HIPK3: variants seen among roughly 807,000 people sequenced by gnomAD.
HIPK3 encodes the protein homeodomain interacting protein kinase 3.
HIPK3 carries 47 observed loss-of-function variants against 124.2 expected under a neutral mutation model. The observed-to-expected ratio is 0.38, with a 90% CI of 0.30 to 0.48. The LOEUF is 0.48. HIPK3 is among the 20% of genes least tolerant of loss of function. The pLI is 0.98. For synonymous variants in HIPK3, 482 were observed against 515.2 expected, an observed-to-expected ratio of 0.94 and a Z score of 0.87; for missense variants, 1,286 against 1,454.3, an observed-to-expected ratio of 0.88 and a Z score of 1.88.
At chr11:33,290,706 T>C (rs925238709) in intron 2 of HIPK3, among the ~76,000 whole-genome samples, 1 of 151,380 alleles carries the variant, frequency 6.6e-6, no homozygotes, top group African/African-American at 2.4e-5. Context: ...ATGAAGGAAA[T>C]CCTTTAAAAA....
chr11:33,289,053 TTAAC>T (rs1851629967), intron 2 of HIPK3, among the ~76,000 whole-genome samples: 2 of 152,200 alleles, frequency 1.3e-5, no homozygotes, highest in South Asian at 4.1e-4. Context: ...GAGAAATTAA[TTAAC>T]TCTTACACAA....
At chr11:33,279,517 G>C (rs573029438) in intron 1 of HIPK3, among the ~76,000 whole-genome samples, 1 of 152,028 alleles carries the variant, frequency 6.6e-6, no homozygotes. Context: ...AAAAAAGATG[G>C]AAACAGCCCA....
At chr11:33,316,803 A>G (rs1332561428) in intron 2 of HIPK3, among the ~76,000 whole-genome samples, 4 of 152,194 alleles carry the variant, frequency 2.6e-5, no homozygotes, top group Non-Finnish European at 5.9e-5. Context: ...AGCCTGGGCT[A>G]TAGACAAGAC....
rs145153852 is a variant in HIPK3 at position 33,289,704 on chromosome 11, A to C, written c.1097+2193A>C. Among the ~76,000 whole-genome samples, 122 of 152,302 alleles carry C rather than the reference A, an allele frequency of 8.0e-4. 2 individuals carry two copies. The East Asian group carries it at 0.02, about 25-fold the overall frequency. ...CTCCTTTACTTATTGTTAAATGAACAATAAATTATTTTTGACTGTGGTCAC... is the reference window on the plus strand; with the variant it reads ...CTCCTTTACTTATTGTTAAATGAACCATAAATTATTTTTGACTGTGGTCAC... On this transcript the variant is annotated intron_variant, in intron 2 of 16. Transcript: ENST00000303296.
intron 2 of HIPK3, among the ~76,000 whole-genome samples, chr11:33,305,088 C>T (rs967819515): frequency 7.9e-5 from 12 of 152,108 alleles, no homozygotes; most frequent in African/African-American, 2.9e-4. Context: ...GCAGCCTCTG[C>T]CCGCCGAGTT....
intron 1 of HIPK3, among the ~76,000 whole-genome samples, chr11:33,266,285 A>G (rs955926216): frequency 6.8e-6 from 1 of 145,994 alleles, no homozygotes; most frequent in Non-Finnish European, 1.5e-5. Context: ...TAACAATAGC[A>G]CATTCAAACT....
rs1046336766 is a variant in HIPK3 at position 33,341,832 on chromosome 11, T to C, written c.1897+146T>C. The C allele has an allele frequency of 5.1e-5, 35 of 692,440 alleles. 1 individual carries two copies. The South Asian group carries it at 7.6e-4, about 15-fold the overall frequency. The allele number at this position is 692,440 out of a possible 1,614,324, so 42.9% of individuals were successfully genotyped here. On this transcript the variant is annotated intron_variant, in intron 8 of 16. Transcript: ENST00000303296. ...TAAGCTGTTCAGGCCAAGTGTGGTG[T>C]TTCACGCCTGTAATCCCAGCACTTT...
At chr11:33,325,826 CT>C (rs138375216) in intron 2 of HIPK3, among the ~76,000 whole-genome samples, 2 of 152,124 alleles carry the variant, frequency 1.3e-5, no homozygotes, top group African/African-American at 2.4e-5. Context: ...GTGCAGCTTC[CT>C]TTTTTTATCT....
rs763265128 is a variant in HIPK3, at chr11:33,287,363, G to C, written c.949G>C (p.Gly317Arg). Residue 317 changes from glycine to arginine, a missense_variant, in exon 2 of 17, where the codon GGT (glycine) becomes CGT (arginine). By Grantham distance (125) the Gly-to-Arg change is moderately radical. Transcript: ENST00000303296. ...ATALKKLKSL[G>R]LIHADLKPEN... ...TGCACTGAAAAAATTGAAAAGTCTT[G>C]GTTTAATTCATGCTGATCTCAAGCC... The C allele has an allele frequency of 1.9e-6, 3 of 1,614,000 alleles. No individual in the cohort carries two copies. In the African/African-American group the frequency reaches 4.0e-5, roughly 22 times the overall value.
At chr11:33,308,416 A>G (rs1852226669) in intron 2 of HIPK3, among the ~76,000 whole-genome samples, 1 of 152,034 alleles carries the variant, frequency 6.6e-6, no homozygotes, top group African/African-American at 2.4e-5. Context: ...TTCAACGTAT[A>G]TTTTCTCCTA....
At chr11:33,335,664 A>C (rs1379096090) in intron 3 of HIPK3, 2 of 151,962 alleles carry the variant, frequency 1.3e-5, no homozygotes, top group East Asian at 3.9e-4. Flanking sequence ...TTAGGATAGA[A>C]GATATTGAAC....
intron 1 of HIPK3, among the ~76,000 whole-genome samples, chr11:33,268,019 G>A (rs75178277): frequency 7.3e-5 from 11 of 151,344 alleles, no homozygotes; most frequent in African/African-American, 1.7e-4. Context: ...AAGACCAGCC[G>A]GACCAACATG....
chr11:33,324,707 G>A (rs1232882141), intron 2 of HIPK3, among the ~76,000 whole-genome samples: 4 of 152,198 alleles, frequency 2.6e-5, no homozygotes, highest in Non-Finnish European at 5.9e-5. Context: ...CTTGCTTGAT[G>A]GGAGGCTCCT....
At chr11:33,328,868 A>T (rs1025467540) in intron 3 of HIPK3, among the ~76,000 whole-genome samples, 2 of 152,146 alleles carry the variant, frequency 1.3e-5, no homozygotes, top group Non-Finnish European at 2.9e-5. Flanking sequence ...TATTGGGAAA[A>T]TTTTATACTG....
chr11:33,356,102 T>C lies in HIPK3; in HGVS notation c.*2534T>C, dbSNP rs1312315831. 6.6e-6 allele frequency: 1 copy of C among 152,020 alleles called. No individual in the cohort carries two copies. Among genetic ancestry groups the C allele is most frequent in the Non-Finnish European group, 1.5e-5 (1 of 67,898 alleles). The allele number at this position is 152,020 out of a possible 1,614,324, so 9.4% of individuals were successfully genotyped here. A position where few individuals can be genotyped will look rare whatever the true frequency, so the allele number is the denominator to read the frequency against. ...AGGTACAAAACTGACAGAGTTTTCT[T>C]TTTGTTTAGGGCCATGTTTACTACC... is the stretch of plus-strand genomic sequence containing the variant. On this transcript the variant is annotated 3_prime_UTR_variant, in exon 17 of 17. Coordinates refer to ENST00000303296, the MANE Select transcript of HIPK3 (RefSeq NM_005734.5).
intron 2 of HIPK3, among the ~76,000 whole-genome samples, chr11:33,317,274 ATTTTTTT>A (rs3028961): frequency 3.9e-5 from 4 of 102,216 alleles, no homozygotes; most frequent in Non-Finnish European, 5.5e-5. Context: ...GCCTGGCCCT[ATTTTTTT>A]TTTTTTTTTT....
At chr11:33,274,718 T>G (rs1158436229) in intron 1 of HIPK3, among the ~76,000 whole-genome samples, 3 of 152,308 alleles carry the variant, frequency 2.0e-5, no homozygotes, top group East Asian at 1.9e-4. Context: ...CTTGTGTAAT[T>G]TTTTTGAATT....
Position 33,257,446 on chromosome 11 carries a change from C to T in HIPK3, c.-446C>T. The T allele has an allele frequency of 1.0e-6, 1 of 985,670 alleles. No homozygotes were observed. The highest frequency in any genetic ancestry group is 1.2e-6 in the Non-Finnish European group (1 of 830,196). The allele number at this position is 985,670 out of a possible 1,614,324, so 61.1% of individuals were successfully genotyped here. ...ACCTGAGGAGATCAAGCCGCAGGCC[C>T]CGCCGTCGCCACCACTCCCGCCAGT... On this transcript the variant is annotated 5_prime_UTR_variant, in exon 1 of 17. Coordinates refer to ENST00000303296, the MANE Select transcript of HIPK3 (RefSeq NM_005734.5).
intron 2 of HIPK3, among the ~76,000 whole-genome samples, chr11:33,292,864 T>G (rs1018376262): frequency 6.6e-6 from 1 of 151,976 alleles, no homozygotes; most frequent in Non-Finnish European, 1.5e-5. Context: ...GCTTCCCGAG[T>G]AACTGGGACT....
Sources: allele counts gnomAD v4.1 joint callset (sites outside exome capture counted in the v4.1 genomes callset), GRCh38; gene constraint gnomAD v4.1.1; transcripts MANE v1.5; gene names NCBI Gene and HGNC (gene_info 2026-07-23, HGNC 2026-07-21).